The following CPNE8 variants were observed in gnomAD, a reference collection of about 807,000 sequenced individuals.
CPNE8 encodes the protein copine-8.
In CPNE8, 45 loss-of-function variants were observed where a neutral mutation model predicts 81.5. That is an observed-to-expected ratio of 0.55 (90% CI 0.44 to 0.71). The LOEUF is 0.71. CPNE8 is among the 30% of genes least tolerant of loss of function. The pLI is 0.00. For synonymous variants in CPNE8, 252 were observed against 226.3 expected (o/e 1.11, Z -1.02); for missense variants, 594 against 672.1 (o/e 0.88, Z 1.28).
chr12:38,864,515 C>T (rs955290985), intron 3 of CPNE8, among the ~76,000 whole-genome samples: 1 of 151,864 alleles, frequency 6.6e-6, no homozygotes, highest in African/African-American at 2.4e-5. Flanking sequence ...GTTATTAAAA[C>T]AGTATGGTAT....
At chr12:38,713,859 C>T (rs1249519296) in intron 13 of CPNE8, among the ~76,000 whole-genome samples, 6 of 152,042 alleles carry the variant, frequency 3.9e-5, no homozygotes, top group Non-Finnish European at 8.8e-5. Context: ...GTCTGTAGAC[C>T]TCCAAGTTTC....
intron 5 of CPNE8, 79 bp downstream of exon 5, chr12:38,839,837 T>A (rs1171081829): frequency 1.6e-6 from 2 of 1,260,674 alleles, no homozygotes; most frequent in African/African-American, 3.1e-5. Context: ...AATAGATGTA[T>A]AACTTTAATA....
intron 6 of CPNE8, among the ~76,000 whole-genome samples, chr12:38,818,977 G>A (rs1292244216): frequency 6.6e-6 from 1 of 152,124 alleles, no homozygotes; most frequent in Non-Finnish European, 1.5e-5. Context: ...TTTTGATAGG[G>A]TTGTTTGATT....
At chr12:38,732,695 T>C (rs943602616) in intron 10 of CPNE8, among the ~76,000 whole-genome samples, 1 of 151,970 alleles carries the variant, frequency 6.6e-6, no homozygotes, top group Non-Finnish European at 1.5e-5. Flanking sequence ...TGCAGACTTT[T>C]CAGATTTCTC....
intron 14 of CPNE8, among the ~76,000 whole-genome samples, chr12:38,702,354 C>G (rs1254626576): frequency 6.6e-6 from 1 of 151,986 alleles, no homozygotes; most frequent in African/African-American, 2.4e-5. Flanking sequence ...ATATCCGTCC[C>G]TCTGAGTGAA....
intron 1 of CPNE8, among the ~76,000 whole-genome samples, chr12:38,879,658 C>A (rs188964941): frequency 5.3e-4 from 81 of 152,140 alleles, no homozygotes; most frequent in African/African-American, 1.8e-3. Flanking sequence ...AATAAATATT[C>A]TTGTTAAAAA....
chr12:38,661,550 T>C (rs1365355200), intron 19 of CPNE8, among the ~76,000 whole-genome samples: 1 of 152,030 alleles, frequency 6.6e-6, no homozygotes, highest in Admixed American at 6.6e-5. Context: ...GGCACATATA[T>C]ACCTATGTAA....
chr12:38,903,226 T>C (rs1516555), intron 1 of CPNE8, among the ~76,000 whole-genome samples: 6,416 of 152,270 alleles, frequency 0.042, 168 homozygotes, highest in East Asian at 0.12. Flanking sequence ...CTCAAACTTA[T>C]CGTAAATAGT....
chr12:38,760,695 T>C lies in CPNE8; in HGVS notation c.722+152A>G. 6 of 643,654 alleles carry C rather than the reference T, an allele frequency of 9.3e-6. No individual in the cohort carries two copies. The South Asian group carries it at 1.1e-4, about 12-fold the overall frequency. The allele number at this position is 643,654 out of a possible 1,614,324, so 39.9% of individuals were successfully genotyped here. A position where few individuals can be genotyped will look rare whatever the true frequency, so the allele number is the denominator to read the frequency against. ...CTCGAGGTTGGAGAAAATATGCTCA[T>C]TTTAAAATTTCATGTAAATGCATCA... On this transcript the variant is annotated intron_variant, in intron 10 of 19. Coordinates refer to ENST00000331366, the MANE Select transcript of CPNE8 (RefSeq NM_153634.3).
intron 1 of CPNE8, among the ~76,000 whole-genome samples, chr12:38,904,052 T>C (rs1944527586): frequency 6.6e-6 from 1 of 152,200 alleles, no homozygotes; most frequent in African/African-American, 2.4e-5. Context: ...CAGAAAAGAA[T>C]TCCTTTGGCT....
chr12:38,770,859 G>A (rs181220160), intron 7 of CPNE8, among the ~76,000 whole-genome samples: 1 of 152,058 alleles, frequency 6.6e-6, no homozygotes, highest in Non-Finnish European at 1.5e-5. Context: ...TTCCCCCAAG[G>A]CTTAATATAA....
chr12:38,762,360 G>A (rs1274373677), intron 8 of CPNE8, 144 bp from the exon 9 acceptor site: 5 of 413,714 alleles, frequency 1.2e-5, no homozygotes, highest in African/African-American at 6.1e-5. Flanking sequence ...AAAGAGATAC[G>A]TGATTTTAAA....
chr12:38,791,109 G>C (rs1201957454), intron 6 of CPNE8, among the ~76,000 whole-genome samples: 1 of 151,466 alleles, frequency 6.6e-6, no homozygotes, highest in East Asian at 1.9e-4. Flanking sequence ...TATATAGATC[G>C]TACAATAATT....
intron 6 of CPNE8, among the ~76,000 whole-genome samples, chr12:38,802,876 C>A (rs1336182328): frequency 2.7e-5 from 4 of 148,334 alleles, no homozygotes; most frequent in African/African-American, 1.0e-4. Context: ...ATACTACAAA[C>A]ACCTCTACGC....
chr12:38,796,768 T>G (rs1432000550), intron 6 of CPNE8, among the ~76,000 whole-genome samples: 2 of 152,018 alleles, frequency 1.3e-5, no homozygotes, highest in African/African-American at 4.8e-5. Flanking sequence ...GAAGCTCAAG[T>G]GGTCAGGGAG....
chr12:38,750,496 T>G (rs1248072691), intron 10 of CPNE8, among the ~76,000 whole-genome samples: 1 of 152,194 alleles, frequency 6.6e-6, no homozygotes, highest in African/African-American at 2.4e-5. Flanking sequence ...GAGGTGGAGC[T>G]GCCCAAGACC....
At chr12:38,846,365 G>C (rs1943560911) in intron 4 of CPNE8, among the ~76,000 whole-genome samples, 1 of 152,136 alleles carries the variant, frequency 6.6e-6, no homozygotes, top group African/African-American at 2.4e-5. Flanking sequence ...AAAAAACTAA[G>C]AGAAGGTTGG....
At chr12:38,696,111 C>A (rs1191517879) in intron 14 of CPNE8, among the ~76,000 whole-genome samples, 3 of 152,106 alleles carry the variant, frequency 2.0e-5, no homozygotes, top group African/African-American at 7.2e-5. Flanking sequence ...AACATTTTAA[C>A]CTAACATGCA....
intron 1 of CPNE8, among the ~76,000 whole-genome samples, chr12:38,891,006 A>G (rs1283767364): frequency 6.6e-6 from 1 of 151,820 alleles, no homozygotes; most frequent in African/African-American, 2.4e-5. Context: ...GGCTCACTGC[A>G]ACCACTGCCT....
Sources: allele counts gnomAD v4.1 joint callset (sites outside exome capture counted in the v4.1 genomes callset), GRCh38; gene constraint gnomAD v4.1.1; transcripts MANE v1.5; gene names NCBI Gene and HGNC (gene_info 2026-07-23, HGNC 2026-07-21).